Variants in TTN observed in about 807,000 individuals in gnomAD.
TTN encodes titin, also known as connectin.
Under a neutral mutation model 3,223.0 loss-of-function variants are expected in TTN, and 1,525 were observed. The ratio of observed to expected loss-of-function variants is 0.47; its 90% confidence interval spans 0.45 to 0.49. TTN has a LOEUF of 0.49. Among genes scored for constraint, TTN ranks in the 20% least tolerant of loss-of-function variants. The probability of loss-of-function intolerance (pLI) is 0.00; values close to 1 mark genes in which losing one functional copy is unlikely to be tolerated. For synonymous variants in TTN, 14,094 were observed against 15,161.0 expected (o/e 0.93, Z 5.17); for missense variants, 40,786 against 43,424.0 (o/e 0.94, Z 5.40).
Position 178,733,898 on chromosome 2 carries a change from T to A in TTN, c.15497-6A>T. The A allele has an allele frequency of 6.3e-7, 1 of 1,581,490 alleles. No homozygotes were observed. Among genetic ancestry groups the A allele is most frequent in the Non-Finnish European group, 8.6e-7 (1 of 1,161,700 alleles). ...CTTTACAAAGGTTGGAGGTTCTAGT[T>A]AAGGAAAGAGAGCATATAAAACATA... On this transcript the variant is annotated splice_region_variant and splice_polypyrimidine_tract_variant and intron_variant, in intron 52 of 362. Transcript: ENST00000589042.
rs185508247 is a variant in TTN at position 178,644,335 on chromosome 2, T to C, written c.40477+213A>G. ...AAGACATATGTAGATGAGACAAAGA[T>C]AGACCATGTCTATACATGTATGAAA... On this transcript the variant is annotated intron_variant, in intron 218 of 362. Coordinates refer to ENST00000589042, the MANE Select transcript of TTN (RefSeq NM_001267550.2). The C allele has an allele frequency of 2.6e-4, 110 of 419,814 alleles. No homozygotes were observed. In the East Asian group the frequency reaches 3.7e-3, roughly 14 times the overall value. The allele number at this position is 419,814 out of a possible 1,614,324, so 26.0% of individuals were successfully genotyped here. A position where few individuals can be genotyped will look rare whatever the true frequency, so the allele number is the denominator to read the frequency against.
chr2:178,593,278 G>T lies in TTN; in HGVS notation c.58930C>A (p.Leu19644Ile), dbSNP rs1173341921. ...AATTCATACTGACATCCTTCTAGAA[G>T]ATCAGGAACCCTAAATTTAGTGTAT... is the stretch of plus-strand genomic sequence containing the variant. ...HPYTKFRVPD[L>I]LEGCQYEFRV... The change falls in exon 299 of 363, where the codon CTT becomes ATT. Residue 19644 changes from leucine (L) to isoleucine (I), a missense_variant. Leu to Ile is a conservative substitution (Grantham distance 5). Coordinates refer to ENST00000589042, the MANE Select transcript of TTN (RefSeq NM_001267550.2). The T allele has an allele frequency of 1.2e-6, 2 of 1,613,382 alleles. No homozygotes were observed. Among genetic ancestry groups the T allele is most frequent in the East Asian group, 2.2e-5 (1 of 44,760 alleles).
At chr2:178,638,185 TCAG>T (rs948876379) in intron 223 of TTN, among the ~76,000 whole-genome samples, 21 of 151,906 alleles carry the variant, frequency 1.4e-4, no homozygotes, top group African/African-American at 5.1e-4. Context: ...ATCATAAACA[TCAG>T]CAACAAAATA....
In TTN at chr2:178,732,693, G is replaced by C; in HGVS notation, c.16368C>G (p.Pro5456=). The C allele has an allele frequency of 6.3e-7, 1 of 1,597,748 alleles. No homozygotes were observed. The change falls in exon 56 of 363, where the codon CCC becomes CCG. Residue 5456 remains proline (P), a synonymous_variant. Coordinates refer to ENST00000589042, the MANE Select transcript of TTN (RefSeq NM_001267550.2). The stretch of plus-strand genomic sequence containing the variant: ...AGCCAGGCAGAACATCCTTTGAGCC[G>C]GGTTTAGTTACAAAACTGGGTGGTT... ...VQEPPSFVTK[P]GSKDVLPGSA...
chr2:178,635,853 C>G (rs2060370828), intron 226 of TTN, 110 bp downstream of exon 226: 3 of 1,512,170 alleles, frequency 2.0e-6, no homozygotes, highest in Admixed American at 4.5e-5. Flanking sequence ...ATTGTTATTC[C>G]CCTCTTAGGT....
At chr2:178,585,000 A>T in intron 309 of TTN, 32 bp from the exon 310 acceptor site, 1 of 1,608,284 alleles carries the variant, frequency 6.2e-7, no homozygotes, top group Non-Finnish European at 8.5e-7. Flanking sequence ...AAATGTAAGA[A>T]CAAGGATTTG....
intron 220 of TTN, 92 bp from the exon 221 acceptor site, chr2:178,640,722 G>A: frequency 9.4e-7 from 1 of 1,064,928 alleles, no homozygotes; most frequent in Non-Finnish European, 1.4e-6. Flanking sequence ...AAAACTCTAT[G>A]GATGGTTTTT....
chr2:178,773,587 C>G lies in TTN; in HGVS notation c.7469G>C (p.Arg2490Pro). Residue 2490 changes from arginine to proline, a missense_variant, in exon 32 of 363, where the codon CGT (arginine) becomes CCT (proline). Arg to Pro is a moderately radical substitution (Grantham distance 103, BLOSUM62 -2). Transcript: ENST00000589042. ...LNDEQIKPDD[R>P]VQAIVKGTKQ... is the part of the protein sequence containing the mutation. ...AGTACCTTTCACAATGGCCTGTACACGGTCATCAGGCTTGATTTGTTCATC... is the reference window on the plus strand; with the variant it reads ...AGTACCTTTCACAATGGCCTGTACAGGGTCATCAGGCTTGATTTGTTCATC... The G allele has an allele frequency of 1.9e-6, 3 of 1,614,020 alleles. No individual in the cohort carries two copies. The highest frequency in any genetic ancestry group is 2.5e-6 in the Non-Finnish European group (3 of 1,179,964).
Position 178,729,664 on chromosome 2 carries a change from C to T in TTN, c.18589G>A (p.Glu6197Lys). 2 of 1,613,718 alleles carry T rather than the reference C, an allele frequency of 1.2e-6. No individual in the cohort carries two copies. Among genetic ancestry groups the T allele is most frequent in the South Asian group, 1.1e-5 (1 of 91,084 alleles). ...ASCSIELKVKEPPTFIRELKP... is the reference protein window; with the variant it reads ...ASCSIELKVKKPPTFIRELKP... ...TGGAGAATAGATTCCATTCACGAAC[C>T]TTTCACTTTGAGTTCAATGCTGCAG... is the stretch of plus-strand genomic sequence containing the variant. The change falls in exon 63 of 363, where the codon GAA (glutamate) becomes AAA (lysine). Residue 6197 changes from glutamate to lysine, a missense_variant and splice_region_variant. Glu to Lys is a moderately conservative substitution (Grantham distance 56). Coordinates refer to ENST00000589042, the MANE Select transcript of TTN (RefSeq NM_001267550.2).
chr2:178,803,851 C>T (rs1359774247), intron 2 of TTN, among the ~76,000 whole-genome samples: 1 of 151,392 alleles, frequency 6.6e-6, no homozygotes, highest in Non-Finnish European at 1.5e-5. Flanking sequence ...TTTTTTTGAA[C>T]CATCCATAAA....
Position 178,609,465 on chromosome 2 carries a change from A to G in TTN, c.51845T>C (p.Ile17282Thr), listed in dbSNP as rs1490005480. 1.2e-6 allele frequency: 2 copies of G among 1,612,262 alleles called. No homozygotes were observed. The highest frequency in any genetic ancestry group is 2.7e-5 in the African/African-American group (2 of 74,776). ...SGSPYPTITW[I>T]KDENVIVPEE... is the part of the protein sequence containing the mutation. ...TGGTACAATAACATTTTCATCCTTT[A>G]TCCATGTAATAGTTGGGTAAGGTGA... Residue 17282 changes from isoleucine (I) to threonine (T), a missense_variant, in exon 273 of 363, where the codon ATA (isoleucine) becomes ACA (threonine). Physicochemically the swap from Ile to Thr is moderately conservative, Grantham distance 89. Coordinates refer to ENST00000589042, the MANE Select transcript of TTN (RefSeq NM_001267550.2).
At chr2:178,598,138 C>T (rs1204465215) in intron 292 of TTN, 80 bp from the exon 293 acceptor site, 10 of 1,470,610 alleles carry the variant, frequency 6.8e-6, no homozygotes, top group African/African-American at 2.8e-5. Context: ...AAAGCATCAC[C>T]AGCAGCCTAT....
At chr2:178,710,278 T>A (rs2076466439) in intron 98 of TTN, among the ~76,000 whole-genome samples, 1 of 152,248 alleles carries the variant, frequency 6.6e-6, no homozygotes, top group Non-Finnish European at 1.5e-5. Flanking sequence ...AAACCCCGTT[T>A]CTACCAAAAA....
intron 3 of TTN, among the ~76,000 whole-genome samples, chr2:178,801,290 A>T (rs1312875439): frequency 6.6e-6 from 1 of 152,136 alleles, no homozygotes; most frequent in East Asian, 1.9e-4. Context: ...GTTGAAGGAA[A>T]TTTTTTATAA....
chr2:178,796,353 C>T (rs184516760), intron 6 of TTN, among the ~76,000 whole-genome samples: 54 of 152,248 alleles, frequency 3.5e-4, no homozygotes, highest in Admixed American at 7.8e-4. Flanking sequence ...GGATATTTAG[C>T]TTACACTGAT....
rs772731855 is a variant in TTN at position 178,800,393 on chromosome 2, A to G, written c.583+2T>C. The G allele has an allele frequency of 6.2e-7, 1 of 1,613,934 alleles. No homozygotes were observed. Among genetic ancestry groups the G allele is most frequent in the Non-Finnish European group, 8.5e-7 (1 of 1,179,976 alleles). On this transcript the variant is annotated splice_donor_variant, in intron 4 of 362. Transcript: ENST00000589042. LOFTEE classifies it high-confidence loss of function. ...CTCTGTTCCTCAACCTCCAGCACGT[A>G]CCTTGAACCAGTAATTCAGCAGTCG... is the stretch of plus-strand genomic sequence containing the variant.
chr2:178,719,286 A>C lies in TTN; in HGVS notation c.24104T>G (p.Phe8035Cys), dbSNP rs770221553. The change falls in exon 83 of 363, where the codon TTT becomes TGT. Residue 8035 changes from phenylalanine (F) to cysteine (C), a missense_variant. Physicochemically the swap from Phe to Cys is radical, Grantham distance 205. Transcript: ENST00000589042. The stretch of plus-strand genomic sequence containing the variant: ...ATTCAAAGTACAGACGTTTTCCGAA[A>C]AGCTGGACTGACATTTGGGCCCACT... ...IVSGPKCQSS[F>C]SENVCTLNLS... 2.5e-6 allele frequency: 4 copies of C among 1,613,742 alleles called. No individual in the cohort carries two copies. Among genetic ancestry groups the C allele is most frequent in the Non-Finnish European group, 3.4e-6 (4 of 1,179,736 alleles).
chr2:178,621,549 G>A lies in TTN; in HGVS notation c.45275C>T (p.Ala15092Val). 1 of 1,612,452 alleles carries A rather than the reference G, an allele frequency of 6.2e-7. No homozygotes were observed. The highest frequency in any genetic ancestry group is 2.2e-5 in the East Asian group (1 of 44,654). The change falls in exon 245 of 363, where the codon GCT becomes GTT. Residue 15092 changes from alanine to valine, a missense_variant. Coordinates refer to ENST00000589042, the MANE Select transcript of TTN (RefSeq NM_001267550.2). ...GRKRILVIQNAHLEDAGNYNC... is the reference protein window; with the variant it reads ...GRKRILVIQNVHLEDAGNYNC... Reference sequence around the variant, plus strand: ...GTAGTTGCCAGCATCCTCAAGGTGAGCGTTCTGAATGACCAGGATTCTCTT... The same window carrying A: ...GTAGTTGCCAGCATCCTCAAGGTGAACGTTCTGAATGACCAGGATTCTCTT...
intron 47 of TTN, chr2:178,745,633 T>A: frequency 6.2e-7 from 1 of 1,612,846 alleles, no homozygotes; most frequent in Non-Finnish European, 8.5e-7. Flanking sequence ...CTGATTTGTT[T>A]GTAGCTACAC....
Sources: gnomAD v4.1 joint callset for allele counts (sites outside exome capture counted in the v4.1 genomes callset) on GRCh38, gnomAD v4.1.1 for gene constraint, MANE v1.5 for transcripts, NCBI Gene and HGNC (gene_info 2026-07-23, HGNC 2026-07-21) for gene names.